The following STOX1 variants were observed in gnomAD, a reference collection of about 807,000 sequenced individuals.
STOX1 encodes the protein storkhead box 1, also known as storkhead-box protein 1.
STOX1 carries 57 observed loss-of-function variants against 74.8 expected under a neutral mutation model. The ratio of observed to expected loss-of-function variants is 0.76; its 90% CI spans 0.62 to 0.95. The LOEUF is 0.95. STOX1 is among the 40% of genes least tolerant of loss of function. The pLI is 0.00. For synonymous variants in STOX1, 375 were observed against 401.3 expected (o/e 0.93, Z 0.78); for missense variants, 1,010 against 1,117.0 (o/e 0.90, Z 1.37).
rs141167761 is a variant in STOX1 at position 68,851,994 on chromosome 10, C to T, written c.310+24061C>T. 8.6e-3 allele frequency among the ~76,000 whole-genome samples: 1,304 copies of T among 151,850 alleles called. 11 individuals are homozygous for T. Among genetic ancestry groups the T allele is most frequent in the African/African-American group, 0.029 (1,184 of 41,414 alleles). On this transcript the variant is annotated intron_variant, in intron 1 of 3. Coordinates refer to ENST00000298596, the MANE Select transcript of STOX1 (RefSeq NM_152709.5). ...ACTAAAAATACAAAAATTAGCCAGG[C>T]GTGGTGGTGAATGCCTGTAATGCCA...
chr10:68,852,550 G>A (rs2802087), intron 1 of STOX1, among the ~76,000 whole-genome samples: 9,174 of 151,638 alleles, frequency 0.06, 338 homozygotes, highest in Middle Eastern at 0.1. Flanking sequence ...GAGCCACCGC[G>A]CCTGGCCCTC....
chr10:68,866,787 C>T (rs572373811), intron 1 of STOX1, among the ~76,000 whole-genome samples: 15 of 152,184 alleles, frequency 9.9e-5, no homozygotes, highest in Admixed American at 9.2e-4. Context: ...CTGGCTGTGG[C>T]GGGGGACAAG....
At chr10:68,862,079 A>G (rs972136440) in intron 1 of STOX1, among the ~76,000 whole-genome samples, 1 of 152,106 alleles carries the variant, frequency 6.6e-6, no homozygotes, top group East Asian at 1.9e-4. Context: ...ACAGCATAGT[A>G]GAATTCTTTT....
intron 1 of STOX1, among the ~76,000 whole-genome samples, chr10:68,865,185 C>T (rs1408019487): frequency 3.3e-5 from 5 of 152,202 alleles, no homozygotes; most frequent in Admixed American, 6.5e-5. Flanking sequence ...GCCCTACATA[C>T]GTCTGGCAAA....
Position 68,852,189 on chromosome 10 carries a change from G to A in STOX1, c.310+24256G>A, listed in dbSNP as rs568512524. 1.5e-3 allele frequency among the ~76,000 whole-genome samples: 219 copies of A among 150,446 alleles called. 1 individual carries two copies. Among genetic ancestry groups the A allele is most frequent in the Non-Finnish European group, 2.6e-3 (178 of 67,594 alleles). On this transcript the variant is annotated intron_variant, in intron 1 of 3. Transcript: ENST00000298596. ...TTCTGACCTCTGTTGTTTCTGATGA[G>A]AAGTCAGCTGTTAATCTTATTGTGA...
At chr10:68,860,880 G>A (rs554140855) in intron 1 of STOX1, among the ~76,000 whole-genome samples, 1 of 152,160 alleles carries the variant, frequency 6.6e-6, no homozygotes, top group South Asian at 2.1e-4. Context: ...GGGGACTGAT[G>A]CCTGGTCAAA....
At chr10:68,860,474 G>A (rs1322609976) in intron 1 of STOX1, among the ~76,000 whole-genome samples, 1 of 150,410 alleles carries the variant, frequency 6.6e-6, no homozygotes, top group East Asian at 1.9e-4. Flanking sequence ...GAAGGCTGAG[G>A]CAGGAGAATT....
intron 1 of STOX1, among the ~76,000 whole-genome samples, chr10:68,875,097 G>A (rs894166136): frequency 1.3e-5 from 2 of 152,142 alleles, no homozygotes; most frequent in Non-Finnish European, 2.9e-5. Context: ...TCAAGATGTG[G>A]AGTGAATGTA....
At chr10:68,866,182 T>C (rs1316343550) in intron 1 of STOX1, among the ~76,000 whole-genome samples, 1 of 152,154 alleles carries the variant, frequency 6.6e-6, no homozygotes, top group Non-Finnish European at 1.5e-5. Flanking sequence ...TCAGAAGTTA[T>C]AGTTGGTTGA....
intron 1 of STOX1, among the ~76,000 whole-genome samples, chr10:68,873,171 A>C (rs12264760): frequency 0.014 from 2,052 of 151,996 alleles, 43 homozygotes; most frequent in African/African-American, 0.047. Context: ...CACTGTGCCC[A>C]GCCACATTCA....
chr10:68,858,868 G>A (rs916457701), intron 1 of STOX1, among the ~76,000 whole-genome samples: 1 of 152,072 alleles, frequency 6.6e-6, no homozygotes, highest in African/African-American at 2.4e-5. Flanking sequence ...TTTTGGTAAC[G>A]TATATGTATA....
intron 3 of STOX1, among the ~76,000 whole-genome samples, chr10:68,889,059 C>T (rs977998860): frequency 1.3e-5 from 2 of 152,228 alleles, no homozygotes; most frequent in Admixed American, 6.5e-5. Flanking sequence ...TAGCTCACTG[C>T]AGCCTAGGCC....
chr10:68,842,830 C>T (rs1157353768), intron 1 of STOX1, among the ~76,000 whole-genome samples: 1 of 151,246 alleles, frequency 6.6e-6, no homozygotes, highest in Non-Finnish European at 1.5e-5. Context: ...TGAGCCACTG[C>T]GCCTGGCCGG....
At chr10:68,846,672 T>TA (rs1474417761) in intron 1 of STOX1, 5 of 152,202 alleles carry the variant, frequency 3.3e-5, no homozygotes, top group African/African-American at 1.2e-4. Context: ...AGAAGTCAGA[T>TA]ATTCTGAGTC....
chr10:68,881,831 G>A, intron 1 of STOX1, 127 bp from the exon 2 acceptor site: 1 of 1,069,946 alleles, frequency 9.3e-7, no homozygotes, highest in Non-Finnish European at 1.4e-6. Context: ...CAGATTCTGA[G>A]TAAAGACTGA....
rs1344105162 is a variant in STOX1 at position 68,886,570 on chromosome 10, G to A, written c.2774G>A (p.Gly925Glu). The A allele has an allele frequency of 6.2e-7, 1 of 1,614,056 alleles. No homozygotes were observed. The highest frequency in any genetic ancestry group is 8.5e-7 in the Non-Finnish European group (1 of 1,180,028). The stretch of plus-strand genomic sequence containing the variant: ...CAATATGAACACAGTCACTTGGAAG[G>A]GACAGAAAATCACAGCATGGCAGGA... ...DVQYEHSHLEGTENHSMAGDS... is the reference protein window; with the variant it reads ...DVQYEHSHLEETENHSMAGDS... The change falls in exon 3 of 4, where the codon GGG (glycine) becomes GAG (glutamate). Residue 925 changes from glycine (G) to glutamate (E), a missense_variant. Physicochemically the swap from Gly to Glu is moderately conservative, Grantham distance 98. Coordinates refer to ENST00000298596, the MANE Select transcript of STOX1 (RefSeq NM_152709.5).
chr10:68,886,383 G>A lies in STOX1; in HGVS notation c.2587G>A (p.Ala863Thr), dbSNP rs7904300. 8,562 of 1,614,168 alleles carry A rather than the reference G, an allele frequency of 5.3e-3. 365 individuals are homozygous for A. In the African/African-American group the frequency reaches 0.099, roughly 19 times the overall value. ...RIFDYYSARK[A>T]SFEAEVIQDT... ...CTTTGATTACTATAGCGCAAGAAAAGCCAGTTTTGAAGCTGAAGTCATACA... is the reference window on the plus strand; with the variant it reads ...CTTTGATTACTATAGCGCAAGAAAAACCAGTTTTGAAGCTGAAGTCATACA... Residue 863 changes from alanine to threonine, a missense_variant, in exon 3 of 4, where the codon GCC becomes ACC. By Grantham distance (58) the Ala-to-Thr change is moderately conservative. Coordinates refer to ENST00000298596, the MANE Select transcript of STOX1 (RefSeq NM_152709.5).
At chr10:68,828,197 C>T in intron 1 of STOX1, 2 of 904,308 alleles carry the variant, frequency 2.2e-6, no homozygotes, top group Non-Finnish European at 1.4e-6. Context: ...CCCCGCCTGC[C>T]TGCAGGTGCT....
intron 1 of STOX1, among the ~76,000 whole-genome samples, chr10:68,875,454 A>G (rs191985317): frequency 2.0e-4 from 31 of 152,190 alleles, no homozygotes; most frequent in African/African-American, 6.5e-4. Context: ...CAATCTTGAG[A>G]TGTTTCTATT....
Sources: allele counts gnomAD v4.1 joint callset (sites outside exome capture counted in the v4.1 genomes callset), GRCh38; gene constraint gnomAD v4.1.1; transcripts MANE v1.5; gene names NCBI Gene and HGNC (gene_info 2026-07-23, HGNC 2026-07-21).